The following SFSWAP variants were observed in gnomAD, a reference collection of about 807,000 sequenced individuals.
The protein encoded by SFSWAP is splicing factor SWAP, also known as splicing factor, suppressor of white-apricot homolog.
Under a neutral mutation model 100.7 loss-of-function variants are expected in SFSWAP, and 17 were observed. The ratio of observed to expected loss-of-function variants is 0.17; its 90% CI spans 0.12 to 0.25. The LOEUF is 0.25. Ranked by LOEUF, SFSWAP falls within the 10% of genes least tolerant of loss-of-function variation. The pLI is 1.00. For synonymous variants in SFSWAP, 504 were observed against 510.1 expected, an observed-to-expected ratio of 0.99 and a Z score of 0.16; for missense variants, 1,005 against 1,262.6, an observed-to-expected ratio of 0.80 and a Z score of 3.09.
At chr12:131,732,741 C>T (rs1238329697) in intron 7 of SFSWAP, among the ~76,000 whole-genome samples, 1 of 152,206 alleles carries the variant, frequency 6.6e-6, no homozygotes, top group East Asian at 1.9e-4. Context: ...GTTTCTTAAA[C>T]AGCCAGCTTT....
chr12:131,789,726 T>A (rs1885122683), intron 15 of SFSWAP, among the ~76,000 whole-genome samples: 1 of 149,304 alleles, frequency 6.7e-6, no homozygotes, highest in South Asian at 2.2e-4. Context: ...CCAGGCCAGC[T>A]CCACTATAGA....
intron 3 of SFSWAP, among the ~76,000 whole-genome samples, chr12:131,717,794 G>A (rs961809311): frequency 5.9e-5 from 9 of 152,128 alleles, no homozygotes; most frequent in Non-Finnish European, 8.8e-5. Context: ...GCAGTGGTGC[G>A]GTGTCAGCTC....
At chr12:131,788,772 T>A (rs893832350) in intron 15 of SFSWAP, among the ~76,000 whole-genome samples, 1 of 152,152 alleles carries the variant, frequency 6.6e-6, no homozygotes, top group African/African-American at 2.4e-5. Context: ...TGAGCTCCCA[T>A]GCCTGGTACA....
At chr12:131,785,348 G>A in intron 14 of SFSWAP, 1 of 892,384 alleles carries the variant, frequency 1.1e-6, no homozygotes, top group Non-Finnish European at 1.7e-6. Flanking sequence ...GGATGCCGGG[G>A]TCTGAGTGAT....
At chr12:131,762,749 C>T (rs931015358) in intron 11 of SFSWAP, among the ~76,000 whole-genome samples, 29 of 152,070 alleles carry the variant, frequency 1.9e-4, no homozygotes, top group African/African-American at 4.8e-4. Flanking sequence ...TACAGGCGCC[C>T]GCCACCACAC....
In SFSWAP at chr12:131,730,601, G is replaced by A. The variant is rs1474446471; in HGVS notation, c.1081+2173G>A. The stretch of plus-strand genomic sequence containing the variant: ...CATTGTGAGCTGTCTGGGTCAGAAG[G>A]CTTGGTACATTCCCAAGGGTTCACC... On this transcript the variant is annotated intron_variant, in intron 7 of 17. Coordinates refer to ENST00000261674, the MANE Select transcript of SFSWAP (RefSeq NM_004592.4). The surrounding 1 kb of genome is among the most constrained non-coding windows in gnomAD (Gnocchi z 4.0). Among the ~76,000 whole-genome samples the A allele has an allele frequency of 2.6e-5, 4 of 152,170 alleles. No individual in the cohort carries two copies. The highest frequency in any genetic ancestry group is 9.7e-5 in the African/African-American group (4 of 41,432).
chr12:131,754,786 A>G (rs1173414534), intron 9 of SFSWAP, among the ~76,000 whole-genome samples: 4 of 151,552 alleles, frequency 2.6e-5, no homozygotes, highest in South Asian at 4.2e-4. Flanking sequence ...GGCGCGCACC[A>G]CCACGCCTGG....
chr12:131,787,562 A>G (rs1379809560), intron 15 of SFSWAP, among the ~76,000 whole-genome samples: 1 of 152,202 alleles, frequency 6.6e-6, no homozygotes, highest in Non-Finnish European at 1.5e-5. Context: ...TACACAGAGA[A>G]GGATGGAGCA....
rs771883134 is a variant in SFSWAP, at chr12:131,711,276, G to A, written c.47G>A (p.Gly16Asp). ...CGCGCCAAACCCGAGAGGAAAAGCG[G>A]CGCGAAGGAGGAGGCCGGGCCAGGC... ...GGRAKPERKS[G>D]AKEEAGPGGA... The change falls in exon 1 of 18, where the codon GGC becomes GAC. Residue 16 changes from glycine to aspartate, a missense_variant. Around this residue, in one of 7 missense-constraint regions of SFSWAP, gnomAD observed 237 missense variants for 337.0 expected, o/e 0.70. Coordinates refer to ENST00000261674, the MANE Select transcript of SFSWAP (RefSeq NM_004592.4). The surrounding 1 kb of genome is among the most constrained non-coding windows in gnomAD (Gnocchi z 4.9). The A allele has an allele frequency of 1.2e-6, 2 of 1,612,074 alleles. No homozygotes were observed. Among genetic ancestry groups the A allele is most frequent in the East Asian group, 2.2e-5 (1 of 44,852 alleles).
At chr12:131,793,830 A>AC (rs1214536630) in intron 15 of SFSWAP, among the ~76,000 whole-genome samples, 1 of 152,158 alleles carries the variant, frequency 6.6e-6, no homozygotes, top group African/African-American at 2.4e-5. Context: ...GGCATGAGTC[A>AC]CCAGTCAGGG....
intron 14 of SFSWAP, chr12:131,785,169 G>A (rs1208762054): frequency 9.1e-6 from 14 of 1,535,560 alleles, no homozygotes; most frequent in East Asian, 4.9e-5. Context: ...AGGCAGCCTC[G>A]ACCACCACCA....
chr12:131,755,517 G>C, intron 10 of SFSWAP, 38 bp downstream of exon 10: 4 of 1,468,292 alleles, frequency 2.7e-6, no homozygotes, highest in Non-Finnish European at 3.8e-6. Context: ...GAAGCTCTTA[G>C]AGGTGGCTCC....
intron 7 of SFSWAP, among the ~76,000 whole-genome samples, chr12:131,731,763 AAAT>A (rs1481737076): frequency 1.8e-4 from 27 of 152,160 alleles, no homozygotes; most frequent in Non-Finnish European, 8.8e-5. Flanking sequence ...ACTATGCTTA[AAAT>A]AATAAACTGG....
At chr12:131,726,108 A>T (rs1304922004) in intron 5 of SFSWAP, among the ~76,000 whole-genome samples, 1 of 152,216 alleles carries the variant, frequency 6.6e-6, no homozygotes, top group Non-Finnish European at 1.5e-5. Context: ...TTACTGCCAA[A>T]GCCAGTTAGC....
intron 7 of SFSWAP, among the ~76,000 whole-genome samples, chr12:131,742,697 T>C (rs1014538069): frequency 1.3e-5 from 2 of 152,110 alleles, no homozygotes; most frequent in Non-Finnish European, 2.9e-5. Flanking sequence ...GTGGTTGTGA[T>C]GGACTGCATG....
intron 14 of SFSWAP, among the ~76,000 whole-genome samples, chr12:131,779,944 G>A (rs1013551477): frequency 3.3e-5 from 5 of 152,122 alleles, no homozygotes; most frequent in African/African-American, 4.8e-5. Context: ...GTGCCACCAC[G>A]CCCAGCTAAT....
intron 4 of SFSWAP, among the ~76,000 whole-genome samples, chr12:131,722,092 G>A (rs1033077096): frequency 2.0e-5 from 3 of 152,188 alleles, no homozygotes; most frequent in African/African-American, 7.2e-5. Flanking sequence ...GTAGACTATT[G>A]CTGCTTAAGG....
chr12:131,792,014 C>T (rs1424515584), intron 15 of SFSWAP, among the ~76,000 whole-genome samples: 2 of 150,212 alleles, frequency 1.3e-5, no homozygotes, highest in African/African-American at 2.5e-5. Context: ...CAGACCAGTA[C>T]AGTGTGTGCA....
At chr12:131,787,708 C>T (rs1207246066) in intron 15 of SFSWAP, among the ~76,000 whole-genome samples, 5 of 152,148 alleles carry the variant, frequency 3.3e-5, no homozygotes, top group Non-Finnish European at 7.4e-5. Flanking sequence ...CCCTCCTGCT[C>T]CTGGGACGGA....
Sources: allele counts gnomAD v4.1 joint callset (sites outside exome capture counted in the v4.1 genomes callset), GRCh38; gene constraint gnomAD v4.1.1; regional missense constraint gnomAD v4.1.1; non-coding constraint Gnocchi (gnomAD v3.1); transcripts MANE v1.5; gene names NCBI Gene and HGNC (gene_info 2026-07-23, HGNC 2026-07-21).